Variants in ELP4 observed in about 807,000 individuals in gnomAD.
ELP4 encodes elongator acetyltransferase complex subunit 4, also known as elongator complex protein 4.
Under a neutral mutation model 48.9 loss-of-function variants are expected in ELP4, and 51 were observed. The ratio of observed to expected loss-of-function variants is 1.04; its 90% CI spans 0.83 to 1.32. The LOEUF is 1.32. Ranked by LOEUF, ELP4 falls within the 40% of genes most tolerant of loss-of-function variation. ELP4 has a pLI of 0.00. For synonymous variants in ELP4, 210 were observed against 189.2 expected (o/e 1.11, Z -0.90); for missense variants, 519 against 514.6 (o/e 1.01, Z -0.08).
chr11:31,558,857 C>A (rs1261205595), intron 3 of ELP4, among the ~76,000 whole-genome samples: 2 of 152,082 alleles, frequency 1.3e-5, no homozygotes, highest in Non-Finnish European at 2.9e-5. Context: ...AAATATAGCA[C>A]TTTGTCATCA....
intron 2 of ELP4, among the ~76,000 whole-genome samples, chr11:31,531,124 A>G (rs990003491): frequency 2.0e-5 from 3 of 152,202 alleles, no homozygotes; most frequent in African/African-American, 7.2e-5. Flanking sequence ...ATCCCTAAGT[A>G]GGTGATCTCC....
At chr11:31,561,934 A>G (rs1479905387) in intron 3 of ELP4, among the ~76,000 whole-genome samples, 1 of 152,214 alleles carries the variant, frequency 6.6e-6, no homozygotes, top group Non-Finnish European at 1.5e-5. Flanking sequence ...TATGGAATCT[A>G]TTATCAGAAT....
At chr11:31,535,884 A>G (rs1334371366) in intron 2 of ELP4, among the ~76,000 whole-genome samples, 1 of 151,986 alleles carries the variant, frequency 6.6e-6, no homozygotes, top group East Asian at 1.9e-4. Context: ...CACTTAGCAT[A>G]ATGTTTTTTG....
chr11:31,524,689 A>T (rs1252381813), intron 2 of ELP4, among the ~76,000 whole-genome samples: 1 of 152,232 alleles, frequency 6.6e-6, no homozygotes, highest in African/African-American at 2.4e-5. Context: ...AATAGTCCTC[A>T]CAGAATATTA....
chr11:31,586,120 A>G (rs1957468742), intron 3 of ELP4, among the ~76,000 whole-genome samples: 1 of 152,204 alleles, frequency 6.6e-6, no homozygotes, highest in African/African-American at 2.4e-5. Flanking sequence ...CAGTGCAGGT[A>G]TAGAACACCT....
chr11:31,717,236 A>G (rs1946860349), intron 9 of ELP4, among the ~76,000 whole-genome samples: 1 of 152,212 alleles, frequency 6.6e-6, no homozygotes, highest in Non-Finnish European at 1.5e-5. Context: ...GTTTATTTTT[A>G]CTAGCCTCCC....
chr11:31,618,396 A>G (rs1016652755), intron 5 of ELP4, among the ~76,000 whole-genome samples: 2 of 152,240 alleles, frequency 1.3e-5, no homozygotes, highest in East Asian at 3.9e-4. Context: ...TAGTTTGAAC[A>G]CTGCACTTTC....
chr11:31,533,700 A>G (rs1259619651), intron 2 of ELP4, among the ~76,000 whole-genome samples: 2 of 151,426 alleles, frequency 1.3e-5, no homozygotes, highest in Non-Finnish European at 2.9e-5. Context: ...AAAAGTTTTA[A>G]GTAGGGAAAT....
intron 6 of ELP4, among the ~76,000 whole-genome samples, chr11:31,628,626 TTC>T (rs1944796583): frequency 6.6e-6 from 1 of 152,120 alleles, no homozygotes; most frequent in Non-Finnish European, 1.5e-5. Flanking sequence ...TGGTTTGGCT[TTC>T]TGAACCAGAG....
chr11:31,718,285 T>C (rs1244306124), intron 9 of ELP4, among the ~76,000 whole-genome samples: 1 of 152,226 alleles, frequency 6.6e-6, no homozygotes, highest in East Asian at 1.9e-4. Flanking sequence ...TCTTGCAAGA[T>C]ATTTTCTATA....
chr11:31,666,947 G>A lies in ELP4; in HGVS notation c.1143+16726G>A, dbSNP rs1213498716. Reference sequence around the variant, plus strand: ...GAAATCTGAAGTAATTTTCAAAAATGTGTTAGTATGTGGAGGATTTAATAG... The same window carrying A: ...GAAATCTGAAGTAATTTTCAAAAATATGTTAGTATGTGGAGGATTTAATAG... On this transcript the variant is annotated intron_variant, in intron 9 of 9. Transcript: ENST00000640961. 2.6e-5 allele frequency among the ~76,000 whole-genome samples: 4 copies of A among 152,138 alleles called. No homozygotes were observed. The East Asian group carries it at 7.7e-4, about 29-fold the overall frequency.
chr11:31,517,303 C>G (rs1264796893), intron 1 of ELP4, among the ~76,000 whole-genome samples: 1 of 151,764 alleles, frequency 6.6e-6, no homozygotes, highest in African/African-American at 2.4e-5. Flanking sequence ...CCTGCCTCAG[C>G]TCCCCCGAAT....
At chr11:31,670,905 A>G (rs1296391682) in intron 9 of ELP4, among the ~76,000 whole-genome samples, 4 of 151,956 alleles carry the variant, frequency 2.6e-5, no homozygotes, top group Non-Finnish European at 1.5e-5. Flanking sequence ...ACTGTTAACT[A>G]TTTTAGTTGG....
chr11:31,741,285 G>C (rs2134219732), intron 9 of ELP4, among the ~76,000 whole-genome samples: 1 of 152,332 alleles, frequency 6.6e-6, no homozygotes, highest in East Asian at 1.9e-4. Flanking sequence ...AGCTAAAGGA[G>C]GCCTGCCTGC....
chr11:31,689,744 C>G (rs990174340), intron 9 of ELP4, among the ~76,000 whole-genome samples: 1 of 152,166 alleles, frequency 6.6e-6, no homozygotes, highest in Non-Finnish European at 1.5e-5. Context: ...TGAAACTTGA[C>G]TCTACCACTT....
intron 9 of ELP4, chr11:31,662,432 C>G (rs959129323): frequency 1.0e-5 from 4 of 394,370 alleles, no homozygotes; most frequent in African/African-American, 8.2e-5. Context: ...GCCCATGGGC[C>G]AAATCCAGCT....
chr11:31,533,825 TTTTTGTTTTG>T (rs370134447), intron 2 of ELP4, among the ~76,000 whole-genome samples: 39 of 151,752 alleles, frequency 2.6e-4, no homozygotes, highest in African/African-American at 7.7e-4. Context: ...GTTTTTTTTG[TTTTTGTTTTG>T]TTTTGTTTTG....
At chr11:31,719,082 G>C (rs1195875156) in intron 9 of ELP4, among the ~76,000 whole-genome samples, 1 of 151,912 alleles carries the variant, frequency 6.6e-6, no homozygotes, top group Non-Finnish European at 1.5e-5. Flanking sequence ...AACATATTGG[G>C]ACCTCGTCTC....
At chr11:31,681,266 C>T (rs1024513117) in intron 9 of ELP4, among the ~76,000 whole-genome samples, 6 of 152,040 alleles carry the variant, frequency 3.9e-5, no homozygotes, top group African/African-American at 7.2e-5. Context: ...CTTGGTTCTG[C>T]GTTGTGAATG....
Sources: allele counts gnomAD v4.1 joint callset (sites outside exome capture counted in the v4.1 genomes callset), GRCh38; gene constraint gnomAD v4.1.1; transcripts MANE v1.5; gene names NCBI Gene and HGNC (gene_info 2026-07-23, HGNC 2026-07-21).